The following KCNJ6 variants were observed in gnomAD, a reference collection of about 807,000 sequenced individuals.
KCNJ6 encodes potassium inwardly rectifying channel subfamily J member 6.
A neutral mutation model predicts 34.2 loss-of-function variants in KCNJ6; 9 were observed. The observed-to-expected ratio is 0.26, with a 90% confidence interval of 0.16 to 0.46. The LOEUF (loss-of-function observed/expected upper bound fraction) is 0.46, where lower values mean the gene tolerates loss of function less well. Among genes scored for constraint, KCNJ6 ranks in the 20% least tolerant of loss-of-function variants. KCNJ6 has a pLI of 1.00. For missense variants in KCNJ6, 236 were observed against 531.3 expected (o/e 0.44, Z 5.46); for synonymous variants, 196 against 207.1 (o/e 0.95, Z 0.46).
At chr21:37,627,988 C>G (rs1010495499) in intron 3 of KCNJ6, among the ~76,000 whole-genome samples, 25 of 152,112 alleles carry the variant, frequency 1.6e-4, no homozygotes, top group Admixed American at 7.2e-4. Context: ...AAAGTACAGA[C>G]CTTACAAAAT....
At chr21:37,881,105 C>CT (rs1010333423) in intron 1 of KCNJ6, among the ~76,000 whole-genome samples, 11 of 151,868 alleles carry the variant, frequency 7.2e-5, no homozygotes, top group African/African-American at 2.2e-4. Flanking sequence ...TCCCTCTGTG[C>CT]TTTTTTTTCA....
chr21:37,794,852 C>A (rs886358176), intron 2 of KCNJ6, among the ~76,000 whole-genome samples: 1 of 151,266 alleles, frequency 6.6e-6, no homozygotes, highest in East Asian at 1.9e-4. Context: ...AACAAACCTG[C>A]ACGTTCTGCA....
chr21:37,844,958 C>T (rs570337575), intron 1 of KCNJ6, among the ~76,000 whole-genome samples: 1 of 152,236 alleles, frequency 6.6e-6, no homozygotes, highest in African/African-American at 2.4e-5. Flanking sequence ...AGACCAGAAG[C>T]CCTGACCACT....
In KCNJ6 at chr21:37,714,416, G is replaced by T; in HGVS notation, c.741C>A (p.Thr247=). 6.2e-7 allele frequency: 1 copy of T among 1,614,114 alleles called. No homozygotes were observed. The highest frequency in any genetic ancestry group is 2.2e-5 in the East Asian group (1 of 44,870). The change falls in exon 3 of 4, where the codon ACC becomes ACA. Residue 247 remains threonine, a synonymous_variant. Coordinates refer to ENST00000609713, the MANE Select transcript of KCNJ6 (RefSeq NM_002240.5). The surrounding 1 kb of genome is among the most constrained non-coding windows in gnomAD (Gnocchi z 5.9). ...IRAKLIKSKQ[T]SEGEFIPLNQ... is the part of the protein sequence containing the mutation. Reference sequence around the variant, plus strand: ...TCAACGGGATGAACTCCCCCTCCGAGGTCTGTTTGGATTTGATCAACTTGG... The same window carrying T: ...TCAACGGGATGAACTCCCCCTCCGATGTCTGTTTGGATTTGATCAACTTGG...
intron 2 of KCNJ6, among the ~76,000 whole-genome samples, chr21:37,763,087 T>C (rs915900214): frequency 6.6e-6 from 1 of 151,982 alleles, no homozygotes; most frequent in Non-Finnish European, 1.5e-5. Flanking sequence ...GACCCACTGA[T>C]TTGGGCATCT....
rs2054509648 is a variant in KCNJ6 at position 37,665,436 on chromosome 21, G to GA, written c.947-39953dup. On this transcript the variant is annotated intron_variant, in intron 3 of 3. Coordinates refer to ENST00000609713, the MANE Select transcript of KCNJ6 (RefSeq NM_002240.5). ...ACAATAAACATTTAGCAATTGGCAG[G>GA]ATGTGGACGAACCTCATGGGAATCG... 3.3e-5 allele frequency among the ~76,000 whole-genome samples: 5 copies of GA among 152,232 alleles called. No individual in the cohort carries two copies. In the South Asian group the frequency reaches 1.0e-3, roughly 31 times the overall value.
chr21:37,618,927 A>T lies in KCNJ6; in HGVS notation c.*6232T>A, dbSNP rs2054281706. Reference sequence around the variant, plus strand: ...AGTTTGACTCCTTTTACATTTATTTAAGTTTTATGGTGTTGAACTTTGAGA... The same window carrying T: ...AGTTTGACTCCTTTTACATTTATTTTAGTTTTATGGTGTTGAACTTTGAGA... On this transcript the variant is annotated 3_prime_UTR_variant, in exon 4 of 4. Coordinates refer to ENST00000609713, the MANE Select transcript of KCNJ6 (RefSeq NM_002240.5). The T allele has an allele frequency of 6.6e-6, 1 of 152,182 alleles. No individual in the cohort carries two copies. The highest frequency in any genetic ancestry group is 6.5e-5 in the Admixed American group (1 of 15,276). The allele number at this position is 152,182 out of a possible 1,614,324, so 9.4% of individuals were successfully genotyped here. A position where few individuals can be genotyped will look rare whatever the true frequency, so the allele number is the denominator to read the frequency against.
At chr21:37,870,592 TG>T (rs200322475) in intron 1 of KCNJ6, among the ~76,000 whole-genome samples, 4 of 151,908 alleles carry the variant, frequency 2.6e-5, no homozygotes, top group African/African-American at 9.7e-5. Context: ...TTCAAAATTT[TG>T]TTTTTTTTGG....
chr21:37,901,726 A>G (rs2055817740), intron 1 of KCNJ6, among the ~76,000 whole-genome samples: 1 of 152,164 alleles, frequency 6.6e-6, no homozygotes, highest in Non-Finnish European at 1.5e-5. Flanking sequence ...TCAGTCTTTG[A>G]TGATGTGGGT....
At chr21:37,803,051 G>A (rs1327402676) in intron 2 of KCNJ6, among the ~76,000 whole-genome samples, 1 of 152,212 alleles carries the variant, frequency 6.6e-6, no homozygotes, top group Admixed American at 6.5e-5. Context: ...ATTATAGGCT[G>A]GTAAATTTCA....
intron 1 of KCNJ6, among the ~76,000 whole-genome samples, chr21:37,854,791 A>T (rs2055556354): frequency 6.6e-6 from 1 of 152,266 alleles, no homozygotes; most frequent in African/African-American, 2.4e-5. Context: ...AATACAATAA[A>T]GGTTTAATCA....
At position 37,643,988 on chromosome 21, in the gene KCNJ6, T is replaced by C. The variant is rs141999199; in HGVS notation, c.947-18504A>G. Among the ~76,000 whole-genome samples, 12 of 152,320 alleles carry C rather than the reference T, an allele frequency of 7.9e-5. No individual in the cohort carries two copies. The East Asian group carries it at 2.3e-3, about 29-fold the overall frequency. On this transcript the variant is annotated intron_variant, in intron 3 of 3. Coordinates refer to ENST00000609713, the MANE Select transcript of KCNJ6 (RefSeq NM_002240.5). Reference sequence around the variant, plus strand: ...TGAAATCAACCTAAATGCCTATCAATTGTGGATTGGATAAAGAAAATGTGG... The same window carrying C: ...TGAAATCAACCTAAATGCCTATCAACTGTGGATTGGATAAAGAAAATGTGG...
At position 37,613,996 on chromosome 21, in the gene KCNJ6, CG is replaced by C; in HGVS notation, c.*11162del. 1 of 152,174 alleles carries C rather than the reference CG, an allele frequency of 6.6e-6. No individual in the cohort carries two copies. Among genetic ancestry groups the C allele is most frequent in the African/African-American group, 2.4e-5 (1 of 41,486 alleles). 9.4% of individuals were successfully genotyped at this position (152,174 alleles called of 1,614,324 possible). ...TCACTCGTGGGGGCGGCCATGCATG[CG>C]GGGGCCGGGGGTAAATGAGAGCTCT... On this transcript the variant is annotated 3_prime_UTR_variant, in exon 4 of 4. Transcript: ENST00000609713.
chr21:37,871,729 G>C (rs1249950565), intron 1 of KCNJ6, among the ~76,000 whole-genome samples: 2 of 152,244 alleles, frequency 1.3e-5, no homozygotes, highest in Non-Finnish European at 2.9e-5. Flanking sequence ...CAGTGATGGA[G>C]AGAGGTGAGG....
chr21:37,800,461 C>A (rs150099608), intron 2 of KCNJ6, among the ~76,000 whole-genome samples: 1 of 152,084 alleles, frequency 6.6e-6, no homozygotes, highest in Non-Finnish European at 1.5e-5. Flanking sequence ...TAATTTTGGA[C>A]GTAGTTCTAA....
chr21:37,732,033 G>C (rs149933865), intron 2 of KCNJ6, among the ~76,000 whole-genome samples: 2 of 152,338 alleles, frequency 1.3e-5, no homozygotes, highest in African/African-American at 4.8e-5. Context: ...TCTTAGATGA[G>C]GAAGGGAGAT....
At chr21:37,873,207 G>C (rs562816839) in intron 1 of KCNJ6, among the ~76,000 whole-genome samples, 5 of 152,146 alleles carry the variant, frequency 3.3e-5, no homozygotes, top group Admixed American at 3.3e-4. Context: ...CCATGCATGC[G>C]CTGCAGTCGT....
chr21:37,864,024 G>C (rs2055609368), intron 1 of KCNJ6, among the ~76,000 whole-genome samples: 1 of 151,912 alleles, frequency 6.6e-6, no homozygotes, highest in Non-Finnish European at 1.5e-5. Context: ...GCCGGGTTGT[G>C]GGGCTTGAGG....
intron 1 of KCNJ6, among the ~76,000 whole-genome samples, chr21:37,898,120 C>T (rs184721402): frequency 7.9e-4 from 120 of 152,258 alleles, no homozygotes; most frequent in African/African-American, 2.6e-3. Flanking sequence ...GAAGGCAGAG[C>T]GTGATGGGGG....
Sources: gnomAD v4.1 joint callset for allele counts (sites outside exome capture counted in the v4.1 genomes callset) on GRCh38, gnomAD v4.1.1 for gene constraint, Gnocchi (gnomAD v3.1) non-coding constraint, MANE v1.5 for transcripts, NCBI Gene and HGNC (gene_info 2026-07-23, HGNC 2026-07-21) for gene names.